Variants in COX7B2 observed in about 807,000 individuals in gnomAD.
COX7B2 encodes the protein cytochrome c oxidase subunit 7B2.
For synonymous variants in COX7B2, 37 were observed against 32.1 expected (o/e 1.15, Z -0.51); for missense variants, 109 against 95.9 (o/e 1.14, Z -0.57).
At chr4:46,874,292 C>T (rs78085345) in intron 1 of COX7B2, among the ~76,000 whole-genome samples, 6,098 of 152,246 alleles carry the variant, frequency 0.04, 161 homozygotes, top group Non-Finnish European at 0.063. Flanking sequence ...TGCTTAAATT[C>T]ATGTTATTTT....
At chr4:46,782,931 G>A (rs542914462) in intron 2 of COX7B2, among the ~76,000 whole-genome samples, 3 of 152,260 alleles carry the variant, frequency 2.0e-5, no homozygotes, top group South Asian at 2.1e-4. Flanking sequence ...GTGAGGGTCC[G>A]CGGCTTCATT....
chr4:46,756,604 A>G (rs972557509), intron 2 of COX7B2, among the ~76,000 whole-genome samples: 7 of 152,216 alleles, frequency 4.6e-5, no homozygotes, highest in Non-Finnish European at 1.0e-4. Context: ...CTCAACAACA[A>G]CAAGGAAAAA....
chr4:46,829,842 T>G (rs1714946322), intron 2 of COX7B2, among the ~76,000 whole-genome samples: 1 of 152,162 alleles, frequency 6.6e-6, no homozygotes, highest in Admixed American at 6.6e-5. Flanking sequence ...AAGGGCAGAA[T>G]ACAGATAAAG....
chr4:46,769,828 T>A (rs752826489), intron 2 of COX7B2, among the ~76,000 whole-genome samples: 16 of 152,038 alleles, frequency 1.1e-4, no homozygotes, highest in Non-Finnish European at 2.1e-4. Flanking sequence ...AAATTAGGTA[T>A]AGAAAGAATG....
At chr4:46,881,436 C>T (rs1357292722) in intron 1 of COX7B2, among the ~76,000 whole-genome samples, 1 of 152,106 alleles carries the variant, frequency 6.6e-6, no homozygotes, top group African/African-American at 2.4e-5. Flanking sequence ...CAGATATGCA[C>T]CTATCTCAGT....
At chr4:46,763,490 A>G (rs902355202) in intron 2 of COX7B2, among the ~76,000 whole-genome samples, 1 of 151,828 alleles carries the variant, frequency 6.6e-6, no homozygotes, top group Non-Finnish European at 1.5e-5. Flanking sequence ...TTAAATTTTC[A>G]TGCACAAAAC....
chr4:46,850,227 A>C (rs1716580155), intron 1 of COX7B2, among the ~76,000 whole-genome samples: 1 of 150,546 alleles, frequency 6.6e-6, no homozygotes, highest in Admixed American at 6.6e-5. Flanking sequence ...ATTTTAAATA[A>C]TTTAAAATGA....
At chr4:46,753,797 T>G (rs111404587) in intron 2 of COX7B2, among the ~76,000 whole-genome samples, 49,480 of 151,380 alleles carry the variant, frequency 0.33, 8,327 homozygotes, top group South Asian at 0.47. Flanking sequence ...TGGGAGAAAA[T>G]TTTTGCAATC....
chr4:46,890,286 A>G (rs1719353918), intron 1 of COX7B2, among the ~76,000 whole-genome samples: 1 of 152,230 alleles, frequency 6.6e-6, no homozygotes, highest in South Asian at 2.1e-4. Flanking sequence ...TAGATCTGGC[A>G]ACTAGCTGCG....
At chr4:46,896,415 A>G (rs1042912445) in intron 1 of COX7B2, among the ~76,000 whole-genome samples, 1 of 152,224 alleles carries the variant, frequency 6.6e-6, no homozygotes, top group African/African-American at 2.4e-5. Flanking sequence ...AAATGCAATA[A>G]ATAATTAAAG....
In COX7B2 at chr4:46,804,788, G is replaced by A. The variant is rs578165293; in HGVS notation, c.-50+40172C>T. Among the ~76,000 whole-genome samples the A allele has an allele frequency of 1.1e-4, 17 of 152,362 alleles. No individual in the cohort carries two copies. The East Asian group carries it at 3.3e-3, about 29-fold the overall frequency. On this transcript the variant is annotated intron_variant, in intron 2 of 2. Coordinates refer to ENST00000355591, the MANE Select transcript of COX7B2 (RefSeq NM_130902.3). ...TTCACCCAGTGTATCCCCTACCGGG[G>A]CCGCAGGTGGAGCTGCCTGCCAGTC...
intron 1 of COX7B2, among the ~76,000 whole-genome samples, chr4:46,849,221 T>C (rs1716501585): frequency 2.0e-5 from 3 of 151,978 alleles, no homozygotes; most frequent in Admixed American, 2.0e-4. Context: ...CATCAGTTTC[T>C]CCCCAGGTTT....
chr4:46,808,640 G>T (rs1323672231), intron 2 of COX7B2, among the ~76,000 whole-genome samples: 1 of 151,732 alleles, frequency 6.6e-6, no homozygotes, highest in Non-Finnish European at 1.5e-5. Context: ...AAAACTTTCA[G>T]TTTCTCCCCA....
intron 1 of COX7B2, chr4:46,903,929 G>A (rs1650255759): frequency 6.6e-6 from 1 of 152,148 alleles, no homozygotes; most frequent in African/African-American, 2.4e-5. Flanking sequence ...ATGCATGACT[G>A]TAGTTCCTCC....
intron 2 of COX7B2, among the ~76,000 whole-genome samples, chr4:46,812,133 A>G (rs1158642431): frequency 6.6e-6 from 1 of 152,142 alleles, no homozygotes; most frequent in African/African-American, 2.4e-5. Context: ...GGAATATAGG[A>G]CACATATGCT....
chr4:46,859,618 C>T (rs1012120751), intron 1 of COX7B2, among the ~76,000 whole-genome samples: 2 of 152,098 alleles, frequency 1.3e-5, no homozygotes, highest in African/African-American at 4.8e-5. Context: ...CAATACATAA[C>T]CTTGAGATCA....
intron 1 of COX7B2, among the ~76,000 whole-genome samples, chr4:46,899,522 CGT>C (rs146097970): frequency 1.3e-5 from 2 of 151,382 alleles, no homozygotes; most frequent in Non-Finnish European, 2.9e-5. Context: ...TTGGAGGGTG[CGT>C]GTGTGTGTGT....
chr4:46,849,568 AAT>A (rs1716530249), intron 1 of COX7B2, among the ~76,000 whole-genome samples: 1 of 152,114 alleles, frequency 6.6e-6, no homozygotes, highest in Admixed American at 6.6e-5. Context: ...TGAAAATGGA[AAT>A]AGAGACTTAG....
intron 1 of COX7B2, among the ~76,000 whole-genome samples, chr4:46,883,422 T>A (rs1483866050): frequency 6.6e-6 from 1 of 152,130 alleles, no homozygotes; most frequent in Non-Finnish European, 1.5e-5. Context: ...TGAAAAATTC[T>A]TATTTATCAA....
Sources: gnomAD v4.1 joint callset for allele counts (sites outside exome capture counted in the v4.1 genomes callset) on GRCh38, gnomAD v4.1.1 for gene constraint, MANE v1.5 for transcripts, NCBI Gene and HGNC (gene_info 2026-07-23, HGNC 2026-07-21) for gene names.